RBFOX1: variants seen among roughly 807,000 people sequenced by gnomAD.
RBFOX1 encodes the protein RNA binding protein fox-1 homolog 1.
In RBFOX1, 8 loss-of-function variants were observed where a neutral mutation model predicts 57.7. That is an observed-to-expected ratio of 0.14 (90% CI 0.08 to 0.25). The LOEUF (loss-of-function observed/expected upper bound fraction) is 0.25. RBFOX1 is among the 10% of genes least tolerant of loss of function. RBFOX1 has a pLI of 1.00. For synonymous variants in RBFOX1, 326 were observed against 222.4 expected, an observed-to-expected ratio of 1.47 and a Z score of -4.15; for missense variants, 611 against 548.5, an observed-to-expected ratio of 1.11 and a Z score of -1.14.
At chr16:6,673,442 G>A (rs1259035079) in intron 3 of RBFOX1, among the ~76,000 whole-genome samples, 1 of 152,066 alleles carries the variant, frequency 6.6e-6, no homozygotes, top group East Asian at 1.9e-4. Flanking sequence ...ACAAAAATTA[G>A]TCGGGCCTGG....
chr16:5,913,420 T>A (rs906998806), intron 4 of RBFOX1, among the ~76,000 whole-genome samples: 1 of 152,174 alleles, frequency 6.6e-6, no homozygotes, highest in Non-Finnish European at 1.5e-5. Context: ...ATGAATGGCT[T>A]GGTACCTTCC....
chr16:6,749,353 G>A (rs1296974848), intron 3 of RBFOX1, among the ~76,000 whole-genome samples: 1 of 152,168 alleles, frequency 6.6e-6, no homozygotes, highest in Non-Finnish European at 1.5e-5. Flanking sequence ...CTGGTTCAAA[G>A]TAAGTGCTCA....
Position 5,856,575 on chromosome 16 carries a change from G to GTGTATATATATATATATATA in RBFOX1, c.319-10727_319-10726insGTATATATATATATATATAT, listed in dbSNP as rs1192496608. ...TGTGTGTGTGTGTATGTGTGTGTGT[G>GTGTATATATATATATATATA]TATATATATATATATATATATATAT... On this transcript the variant is annotated intron_variant, in intron 3 of 19. Coordinates refer to the RBFOX1 transcript ENST00000641259. 4.9e-3 allele frequency among the ~76,000 whole-genome samples: 160 copies of GTGTATATATATATATATATA among 32,846 alleles called. 6 individuals are homozygous for GTGTATATATATATATATATA. Among genetic ancestry groups the GTGTATATATATATATATATA allele is most frequent in the Middle Eastern group, 0.018 (1 of 56 alleles). 21.5% of individuals were successfully genotyped at this position (32,846 alleles called of 152,430 possible). A position where few individuals can be genotyped will look rare whatever the true frequency, so the allele number is the denominator to read the frequency against.
At chr16:6,101,186 A>G (rs913941435) in intron 1 of RBFOX1, among the ~76,000 whole-genome samples, 15 of 152,236 alleles carry the variant, frequency 9.9e-5, no homozygotes, top group Admixed American at 6.5e-5. Context: ...TTATGAGAAC[A>G]TCTAAAGGCT....
intron 4 of RBFOX1, among the ~76,000 whole-genome samples, chr16:7,439,218 G>C (rs1334913660): frequency 2.0e-5 from 3 of 152,136 alleles, no homozygotes; most frequent in Non-Finnish European, 4.4e-5. Flanking sequence ...AGAAAATCCA[G>C]TGCAAGGAGC....
intron 3 of RBFOX1, among the ~76,000 whole-genome samples, chr16:7,017,681 A>C: frequency 6.6e-6 from 1 of 152,136 alleles, no homozygotes; most frequent in East Asian, 1.9e-4. Context: ...TGGTGAGGGA[A>C]GCTTTTCCTT....
chr16:7,605,832 T>A (rs1452777756), intron 9 of RBFOX1, among the ~76,000 whole-genome samples: 1 of 152,170 alleles, frequency 6.6e-6, no homozygotes, highest in Non-Finnish European at 1.5e-5. Flanking sequence ...CCCTCCTCTG[T>A]CTTTCAAGGT....
At chr16:7,296,959 G>C (rs1273182526) in intron 4 of RBFOX1, among the ~76,000 whole-genome samples, 2 of 152,164 alleles carry the variant, frequency 1.3e-5, no homozygotes, top group African/African-American at 4.8e-5. Flanking sequence ...GGTAAATGCA[G>C]ACATCCTGCT....
intron 1 of RBFOX1, among the ~76,000 whole-genome samples, chr16:5,374,749 A>C (rs917596408): frequency 1.7e-4 from 26 of 151,634 alleles, no homozygotes; most frequent in African/African-American, 6.0e-4. Context: ...TAAAAACATC[A>C]AAAGAAGACG....
intron 1 of RBFOX1, among the ~76,000 whole-genome samples, chr16:6,119,629 C>G (rs950961128): frequency 3.3e-5 from 5 of 152,112 alleles, no homozygotes; most frequent in Non-Finnish European, 5.9e-5. Flanking sequence ...ATTATTGACT[C>G]AACATTTATT....
Position 7,410,980 on chromosome 16 carries a change from C to G in RBFOX1, c.28-107167C>G, listed in dbSNP as rs567540475. Among the ~76,000 whole-genome samples the G allele has an allele frequency of 1.0e-3, 154 of 152,230 alleles. 3 individuals are homozygous for G. The South Asian group carries it at 0.031, about 31-fold the overall frequency. The stretch of plus-strand genomic sequence containing the variant: ...TTATTTTTCGAGACAGAGTCTCACT[C>G]TGTCACCCAGGTTGGAGTACAGTGG... On this transcript the variant is annotated intron_variant, in intron 4 of 15. Transcript: ENST00000550418.
At chr16:6,778,389 G>A (rs144359538) in intron 3 of RBFOX1, among the ~76,000 whole-genome samples, 1,816 of 152,150 alleles carry the variant, frequency 0.012, 41 homozygotes, top group African/African-American at 0.04. Context: ...ATCCCCACTT[G>A]TTTTCTCCAC....
intron 4 of RBFOX1, among the ~76,000 whole-genome samples, chr16:7,115,232 T>C (rs1035783098): frequency 6.6e-6 from 1 of 152,194 alleles, no homozygotes; most frequent in Non-Finnish European, 1.5e-5. Context: ...GGGTGGACAT[T>C]CCCATGTCAA....
In RBFOX1 at chr16:6,019,518, G is replaced by A; in HGVS notation, c.-601G>A. On this transcript the variant is annotated 5_prime_UTR_variant, in exon 1 of 16. Transcript: ENST00000550418. The surrounding 1 kb of genome is among the most constrained non-coding windows in gnomAD (Gnocchi z 4.2). The stretch of plus-strand genomic sequence containing the variant: ...CCCCCAGCAGCACCCGCGGTGGGGC[G>A]GGGGCGCTCTGCCAGCCCCGGGAAC... The A allele has an allele frequency of 9.5e-7, 1 of 1,050,996 alleles. No individual in the cohort carries two copies. Among genetic ancestry groups the A allele is most frequent in the Non-Finnish European group, 1.1e-6 (1 of 872,364 alleles). 65.1% of individuals were successfully genotyped at this position (1,050,996 alleles called of 1,614,324 possible). A position where few individuals can be genotyped will look rare whatever the true frequency, so the allele number is the denominator to read the frequency against.
intron 3 of RBFOX1, among the ~76,000 whole-genome samples, chr16:5,749,347 G>T (rs1185882091): frequency 6.6e-6 from 1 of 152,058 alleles, no homozygotes; most frequent in African/African-American, 2.4e-5. Context: ...ATTTGTCTTG[G>T]AGTTGCTCTT....
chr16:7,480,915 G>C (rs1047530137), intron 4 of RBFOX1, among the ~76,000 whole-genome samples: 1 of 152,174 alleles, frequency 6.6e-6, no homozygotes. Context: ...GGGAGGGAGG[G>C]GCAGGGGTAG....
intron 2 of RBFOX1, among the ~76,000 whole-genome samples, chr16:5,533,240 A>G (rs1420277302): frequency 6.6e-6 from 1 of 152,226 alleles, no homozygotes; most frequent in African/African-American, 2.4e-5. Context: ...GCGCCAAGGC[A>G]ATTCACACAA....
chr16:6,913,655 G>T (rs1023099398), intron 3 of RBFOX1, among the ~76,000 whole-genome samples: 4 of 152,168 alleles, frequency 2.6e-5, no homozygotes, highest in Non-Finnish European at 4.4e-5. Context: ...CAGCAAGTTG[G>T]TCTCCTAGAA....
intron 2 of RBFOX1, among the ~76,000 whole-genome samples, chr16:5,480,503 A>G (rs1567144917): frequency 6.6e-6 from 1 of 152,238 alleles, no homozygotes; most frequent in Non-Finnish European, 1.5e-5. Context: ...GCCGCTGAAA[A>G]TGCACGGGAT....
Sources: gnomAD v4.1 joint callset for allele counts (sites outside exome capture counted in the v4.1 genomes callset) on GRCh38, gnomAD v4.1.1 for gene constraint, Gnocchi (gnomAD v3.1) non-coding constraint, MANE v1.5 for transcripts, NCBI Gene and HGNC (gene_info 2026-07-23, HGNC 2026-07-21) for gene names.